PKN2: variants seen among roughly 807,000 people sequenced by gnomAD.
PKN2 encodes the protein serine/threonine-protein kinase N2.
A neutral mutation model predicts 119.1 loss-of-function variants in PKN2; 38 were observed. The observed-to-expected ratio is 0.32, with a 90% CI of 0.25 to 0.42. The LOEUF (loss-of-function observed/expected upper bound fraction) is 0.42. Among genes scored for constraint, PKN2 ranks in the 10% least tolerant of loss-of-function variants. The probability of loss-of-function intolerance (pLI) is 1.00; values close to 1 mark genes in which losing one functional copy is unlikely to be tolerated. For synonymous variants in PKN2, 390 were observed against 384.9 expected, an observed-to-expected ratio of 1.01 and a Z score of -0.15; for missense variants, 850 against 1,165.1, an observed-to-expected ratio of 0.73 and a Z score of 3.94.
chr1:88,705,702 AAT>A (rs149246965), intron 1 of PKN2, among the ~76,000 whole-genome samples: 23 of 150,004 alleles, frequency 1.5e-4, no homozygotes, highest in Admixed American at 2.7e-4. Flanking sequence ...GGTCTGCAAA[AAT>A]ATATATATAT....
chr1:88,772,540 A>G (rs1336767813), intron 6 of PKN2, among the ~76,000 whole-genome samples: 1 of 152,198 alleles, frequency 6.6e-6, no homozygotes, highest in Non-Finnish European at 1.5e-5. Flanking sequence ...GATTTCAGAT[A>G]AGGAATACTC....
At chr1:88,805,295 T>C (rs1671491891) in intron 10 of PKN2, among the ~76,000 whole-genome samples, 1 of 152,188 alleles carries the variant, frequency 6.6e-6, no homozygotes, top group Admixed American at 6.5e-5. Flanking sequence ...AAAAACAATT[T>C]CTTACCTATT....
At chr1:88,703,497 A>G (rs1001124001) in intron 1 of PKN2, among the ~76,000 whole-genome samples, 7 of 152,172 alleles carry the variant, frequency 4.6e-5, no homozygotes, top group African/African-American at 1.7e-4. Context: ...GTTACAAAGC[A>G]AGTTAGCCCA....
intron 1 of PKN2, among the ~76,000 whole-genome samples, chr1:88,718,848 T>C (rs574794091): frequency 1.3e-5 from 2 of 152,284 alleles, no homozygotes; most frequent in South Asian, 2.1e-4. Context: ...TAAGATATTA[T>C]AGACATACTG....
chr1:88,788,527 C>T (rs1670678576), intron 8 of PKN2, among the ~76,000 whole-genome samples: 1 of 151,884 alleles, frequency 6.6e-6, no homozygotes, highest in African/African-American at 2.4e-5. Context: ...CTCATCGCAA[C>T]CTCTGCCTCC....
At chr1:88,713,651 T>G (rs1376756553) in intron 1 of PKN2, among the ~76,000 whole-genome samples, 2 of 152,218 alleles carry the variant, frequency 1.3e-5, no homozygotes, top group African/African-American at 4.8e-5. Flanking sequence ...TAAATTTGTT[T>G]AAGTTCTTTG....
Position 88,784,839 on chromosome 1 carries a change from T to G in PKN2, c.1171+15T>G, listed in dbSNP as rs1166213640. ...TGACTTGTCCAGTTCAGTAACCAGA[T>G]TTTTAAAAATCATGTAACAAACTAA... On this transcript the variant is annotated intron_variant, in intron 7 of 21. Coordinates refer to ENST00000370521, the MANE Select transcript of PKN2 (RefSeq NM_006256.4). The G allele has an allele frequency of 6.5e-7, 1 of 1,543,872 alleles. No homozygotes were observed. Among genetic ancestry groups the G allele is most frequent in the Non-Finnish European group, 8.8e-7 (1 of 1,135,920 alleles).
intron 1 of PKN2, among the ~76,000 whole-genome samples, chr1:88,714,748 A>G (rs1667377444): frequency 6.6e-6 from 1 of 152,100 alleles, no homozygotes; most frequent in African/African-American, 2.4e-5. Flanking sequence ...TCTTTTCCTA[A>G]TTGAATACCC....
At chr1:88,761,290 T>C (rs1669429492) in intron 3 of PKN2, among the ~76,000 whole-genome samples, 1 of 152,144 alleles carries the variant, frequency 6.6e-6, no homozygotes, top group Non-Finnish European at 1.5e-5. Context: ...AAATGTACCT[T>C]TGTACTTTCA....
At chr1:88,717,185 C>A (rs1398756366) in intron 1 of PKN2, among the ~76,000 whole-genome samples, 1 of 152,146 alleles carries the variant, frequency 6.6e-6, no homozygotes, top group African/African-American at 2.4e-5. Flanking sequence ...GATGGGCTTC[C>A]CTTTGTGGGT....
intron 1 of PKN2, among the ~76,000 whole-genome samples, chr1:88,704,144 C>T (rs1471083776): frequency 2.0e-5 from 3 of 152,150 alleles, no homozygotes; most frequent in Non-Finnish European, 2.9e-5. Flanking sequence ...CTAATCTCCT[C>T]CTGTCATTAT....
In PKN2 at chr1:88,796,546, C is replaced by T. The variant is rs867642396; in HGVS notation, c.1282-7845C>T. Reference sequence around the variant, plus strand: ...TCCTATCCCTATGATGTACTATATACTTCCTTACCTTTGTATGTTTTTTCC... The same window carrying T: ...TCCTATCCCTATGATGTACTATATATTTCCTTACCTTTGTATGTTTTTTCC... On this transcript the variant is annotated intron_variant, in intron 8 of 21. Coordinates refer to ENST00000370521, the MANE Select transcript of PKN2 (RefSeq NM_006256.4). Among the ~76,000 whole-genome samples, 6 of 152,246 alleles carry T rather than the reference C, an allele frequency of 3.9e-5. No homozygotes were observed. The Middle Eastern group carries it at 0.02, about 518-fold the overall frequency.
intron 8 of PKN2, among the ~76,000 whole-genome samples, chr1:88,803,613 TA>T (rs1671420112): frequency 6.6e-6 from 1 of 152,216 alleles, no homozygotes; most frequent in Admixed American, 6.5e-5. Flanking sequence ...AAACACTGGT[TA>T]TTAAAACCTT....
chr1:88,712,897 G>T (rs574996061), intron 1 of PKN2, among the ~76,000 whole-genome samples: 2 of 152,086 alleles, frequency 1.3e-5, no homozygotes, highest in Non-Finnish European at 2.9e-5. Flanking sequence ...TTTACATTAG[G>T]TATTTCTCCT....
At chr1:88,691,609 A>G (rs1666337899) in intron 1 of PKN2, among the ~76,000 whole-genome samples, 1 of 152,154 alleles carries the variant, frequency 6.6e-6, no homozygotes, top group African/African-American at 2.4e-5. Flanking sequence ...CTCTCAAAAC[A>G]AGCTAGGAAC....
intron 1 of PKN2, among the ~76,000 whole-genome samples, chr1:88,728,628 G>A (rs1302202492): frequency 2.0e-5 from 3 of 152,054 alleles, no homozygotes; most frequent in Non-Finnish European, 4.4e-5. Flanking sequence ...TCCCATGGGG[G>A]CATGGGTTAA....
intron 16 of PKN2, chr1:88,815,475 T>A (rs577535916): frequency 1.2e-4 from 41 of 330,286 alleles, no homozygotes; most frequent in South Asian, 9.9e-4. Flanking sequence ...TCATCTGATT[T>A]ATTTTTAAAA....
At chr1:88,740,118 A>C (rs1258610436) in intron 1 of PKN2, among the ~76,000 whole-genome samples, 1 of 152,206 alleles carries the variant, frequency 6.6e-6, no homozygotes, top group East Asian at 1.9e-4. Context: ...GTGTGTATTT[A>C]GATTATATGC....
At chr1:88,769,751 C>T (rs1349801564) in intron 3 of PKN2, among the ~76,000 whole-genome samples, 1 of 151,714 alleles carries the variant, frequency 6.6e-6, no homozygotes, top group Non-Finnish European at 1.5e-5. Flanking sequence ...CCTGTGGAAT[C>T]CAAAAAAAGC....
Sources: allele counts gnomAD v4.1 joint callset (sites outside exome capture counted in the v4.1 genomes callset), GRCh38; gene constraint gnomAD v4.1.1; transcripts MANE v1.5; gene names NCBI Gene and HGNC (gene_info 2026-07-23, HGNC 2026-07-21).